The following PPP2R5E variants were observed in gnomAD, a reference collection of about 807,000 sequenced individuals.
PPP2R5E encodes the protein protein phosphatase 2 regulatory subunit B'epsilon, also known as serine/threonine-protein phosphatase 2A 56 kDa regulatory subunit epsilon isoform.
Under a neutral mutation model 65.3 loss-of-function variants are expected in PPP2R5E, and 4 were observed. The ratio of observed to expected loss-of-function variants is 0.06; its 90% CI spans 0.03 to 0.14. The LOEUF (loss-of-function observed/expected upper bound fraction) is 0.14. Ranked by LOEUF, PPP2R5E falls within the 10% of genes least tolerant of loss-of-function variation. The pLI is 1.00. For missense variants in PPP2R5E, 274 were observed against 556.1 expected (o/e 0.49, Z 5.10); for synonymous variants, 183 against 187.4 (o/e 0.98, Z 0.19).
intron 2 of PPP2R5E, among the ~76,000 whole-genome samples, chr14:63,514,067 A>AT (rs1340079126): frequency 1.3e-5 from 2 of 152,204 alleles, no homozygotes; most frequent in Non-Finnish European, 2.9e-5. Context: ...GTCCAGTCTA[A>AT]GCCCCAGATA....
intron 2 of PPP2R5E, among the ~76,000 whole-genome samples, chr14:63,493,313 A>C (rs2139641058): frequency 6.6e-6 from 1 of 151,834 alleles, no homozygotes; most frequent in African/African-American, 2.4e-5. Context: ...CAAGCTAATC[A>C]GATAACTATT....
chr14:63,453,803 T>G lies in PPP2R5E; in HGVS notation c.240A>C (p.Leu80=). ...CCVIFDFMDT[L]SDLKMKEYKR... ...TGTATTCTTTCATTTTAAGATCAGATAGCGTGTCCATGAAGTCAAAAATGA... is the reference window on the plus strand; with the variant it reads ...TGTATTCTTTCATTTTAAGATCAGAGAGCGTGTCCATGAAGTCAAAAATGA... Residue 80 remains leucine, a synonymous_variant, in exon 3 of 14, where the codon CTA becomes CTC. Coordinates refer to ENST00000337537, the MANE Select transcript of PPP2R5E (RefSeq NM_006246.5). The G allele has an allele frequency of 6.2e-7, 1 of 1,609,218 alleles. No homozygotes were observed. Among genetic ancestry groups the G allele is most frequent in the Non-Finnish European group, 8.5e-7 (1 of 1,178,032 alleles).
chr14:63,518,392 T>C (rs550831615), intron 2 of PPP2R5E, among the ~76,000 whole-genome samples: 1 of 151,568 alleles, frequency 6.6e-6, no homozygotes, highest in African/African-American at 2.4e-5. Flanking sequence ...CAGGTATACA[T>C]CACCATGCCA....
At chr14:63,516,924 G>A in intron 2 of PPP2R5E, among the ~76,000 whole-genome samples, 2 of 152,210 alleles carry the variant, frequency 1.3e-5, no homozygotes, top group Admixed American at 6.5e-5. Context: ...AATATATAGT[G>A]ATATATTGTT....
At chr14:63,526,220 CAA>C (rs1419625182) in intron 2 of PPP2R5E, among the ~76,000 whole-genome samples, 1 of 152,108 alleles carries the variant, frequency 6.6e-6, no homozygotes, top group Non-Finnish European at 1.5e-5. Flanking sequence ...GCTCAAAACC[CAA>C]AGAGAAAGTT....
chr14:63,518,908 A>T (rs886301004), intron 2 of PPP2R5E, among the ~76,000 whole-genome samples: 1 of 151,844 alleles, frequency 6.6e-6, no homozygotes, highest in Non-Finnish European at 1.5e-5. Context: ...TAAAAAAATT[A>T]AAAATAAAAA....
intron 5 of PPP2R5E, among the ~76,000 whole-genome samples, chr14:63,413,975 C>G (rs1886550527): frequency 1.3e-5 from 2 of 152,180 alleles, no homozygotes; most frequent in African/African-American, 4.8e-5. Flanking sequence ...AGGCAAGGCA[C>G]CAAAGCTCCT....
At chr14:63,536,510 T>G (rs990529465) in intron 2 of PPP2R5E, among the ~76,000 whole-genome samples, 2 of 152,186 alleles carry the variant, frequency 1.3e-5, no homozygotes, top group African/African-American at 4.8e-5. Flanking sequence ...ATCCAGCAAT[T>G]ACACGTCTGG....
At chr14:63,395,389 AGG>A in intron 6 of PPP2R5E, 104 bp from the exon 7 acceptor site, 1 of 247,442 alleles carries the variant, frequency 4.0e-6, no homozygotes, top group Admixed American at 6.1e-5. Context: ...GGAGGAGAAG[AGG>A]AGGAGGAGGA....
intron 2 of PPP2R5E, among the ~76,000 whole-genome samples, chr14:63,498,887 T>C (rs867604100): frequency 6.6e-5 from 10 of 151,956 alleles, no homozygotes; most frequent in African/African-American, 2.4e-4. Flanking sequence ...GCAGAGACTA[T>C]GAAATATAAA....
At chr14:63,379,132 C>CA (rs1293149315) in intron 13 of PPP2R5E, among the ~76,000 whole-genome samples, 1 of 151,864 alleles carries the variant, frequency 6.6e-6, no homozygotes, top group African/African-American at 2.4e-5. Flanking sequence ...GGGTTCACGC[C>CA]ATTCTCCTGC....
At position 63,395,390 on chromosome 14, in the gene PPP2R5E, GGA is replaced by G. The variant is rs1885272009; in HGVS notation, c.681-107_681-106del. Reference sequence around the variant, plus strand: ...GAGAAGGGGGAGGAGGAGGAGAAGAGGAGGAGGAGGAGGAGAGCGGGGAAGAG... The same window carrying G: ...GAGAAGGGGGAGGAGGAGGAGAAGAGGGAGGAGGAGGAGAGCGGGGAAGAG... On this transcript the variant is annotated intron_variant, in intron 6 of 13. Transcript: ENST00000337537. 4 of 313,588 alleles carry G rather than the reference GGA, an allele frequency of 1.3e-5. No individual in the cohort carries two copies. In the Admixed American group the frequency reaches 2.1e-4, roughly 17 times the overall value. 19.4% of individuals were successfully genotyped at this position (313,588 alleles called of 1,614,324 possible).
At chr14:63,485,531 C>T (rs1890942586) in intron 2 of PPP2R5E, among the ~76,000 whole-genome samples, 2 of 152,184 alleles carry the variant, frequency 1.3e-5, no homozygotes, top group Non-Finnish European at 2.9e-5. Flanking sequence ...TTTCCTGCCT[C>T]GGCCTCCCGA....
At chr14:63,511,423 G>C (rs142690029) in intron 2 of PPP2R5E, among the ~76,000 whole-genome samples, 1 of 152,100 alleles carries the variant, frequency 6.6e-6, no homozygotes, top group Non-Finnish European at 1.5e-5. Context: ...CCATCTGACG[G>C]GATGTTCATG....
At chr14:63,446,260 A>AGGT (rs1430358650) in intron 3 of PPP2R5E, among the ~76,000 whole-genome samples, 1 of 152,144 alleles carries the variant, frequency 6.6e-6, no homozygotes, top group Non-Finnish European at 1.5e-5. Context: ...GAAGCTCTCA[A>AGGT]GGTCATCCAT....
chr14:63,404,237 C>T (rs1019692085), intron 5 of PPP2R5E, among the ~76,000 whole-genome samples: 2 of 152,186 alleles, frequency 1.3e-5, no homozygotes, highest in African/African-American at 2.4e-5. Flanking sequence ...AACCCAGTTG[C>T]TCTCTGCTAT....
rs772889685 is a variant in PPP2R5E, at chr14:63,371,748, C to T, written c.*4261G>A. 6.6e-6 allele frequency: 1 copy of T among 152,086 alleles called. No homozygotes were observed. The highest frequency in any genetic ancestry group is 1.5e-5 in the Non-Finnish European group (1 of 68,010). 9.4% of individuals were successfully genotyped at this position (152,086 alleles called of 1,614,324 possible). A position where few individuals can be genotyped will look rare whatever the true frequency, so the allele number is the denominator to read the frequency against. ...AAGAGATGCTGTTTAAAAAAACACA[C>T]ACACAGCTAAATTTAAAACCGATCA... On this transcript the variant is annotated 3_prime_UTR_variant, in exon 14 of 14. Transcript: ENST00000337537.
chr14:63,483,107 C>T (rs1566735618), intron 2 of PPP2R5E, among the ~76,000 whole-genome samples: 1 of 152,022 alleles, frequency 6.6e-6, no homozygotes, highest in African/African-American at 2.4e-5. Context: ...GAGTTCAAGA[C>T]CAGCCTGGGC....
rs548680130 is a variant in PPP2R5E, at chr14:63,405,374, T to C, written c.550-8658A>G. Reference sequence around the variant, plus strand: ...TTAGAACTAAAATTTTTTTAATAGGTTGGTTTGTGTCATGTCCAATTTGTC... The same window carrying C: ...TTAGAACTAAAATTTTTTTAATAGGCTGGTTTGTGTCATGTCCAATTTGTC... On this transcript the variant is annotated intron_variant, in intron 5 of 13. Transcript: ENST00000337537. 8.7e-4 allele frequency among the ~76,000 whole-genome samples: 133 copies of C among 152,242 alleles called. 1 individual carries two copies. Among genetic ancestry groups the C allele is most frequent in the Non-Finnish European group, 1.6e-3 (106 of 68,012 alleles).
Sources: allele counts gnomAD v4.1 joint callset (sites outside exome capture counted in the v4.1 genomes callset), GRCh38; gene constraint gnomAD v4.1.1; transcripts MANE v1.5; gene names NCBI Gene and HGNC (gene_info 2026-07-23, HGNC 2026-07-21).